ADAM11: variants seen among roughly 807,000 people sequenced by gnomAD.
The protein encoded by ADAM11 is ADAM metallopeptidase domain 11, also known as disintegrin and metalloproteinase domain-containing protein 11.
ADAM11 carries 49 observed loss-of-function variants against 119.1 expected under a neutral mutation model. That is an observed-to-expected ratio of 0.41 (90% CI 0.33 to 0.52). ADAM11 has a LOEUF of 0.52. ADAM11 is among the 20% of genes least tolerant of loss of function. The probability of loss-of-function intolerance (pLI) is 0.20; values close to 1 mark genes in which losing one functional copy is unlikely to be tolerated. For missense variants in ADAM11, 777 were observed against 1,047.5 expected (o/e 0.74, Z 3.56); for synonymous variants, 364 against 408.0 (o/e 0.89, Z 1.30).
chr17:44,774,234 C>G (rs1004614615), intron 11 of ADAM11, 61 bp from the exon 12 acceptor site: 23 of 1,175,696 alleles, frequency 2.0e-5, no homozygotes, highest in African/African-American at 1.1e-4. Context: ...AAGGCCCCAC[C>G]ACCACCCGGG....
intron 2 of ADAM11, among the ~76,000 whole-genome samples, chr17:44,760,670 C>T (rs771164225): frequency 5.3e-5 from 8 of 152,090 alleles, no homozygotes; most frequent in Non-Finnish European, 7.3e-5. Flanking sequence ...GGCAAAGGCC[C>T]GGCACAAACA....
In ADAM11 at chr17:44,772,830, G is replaced by T; in HGVS notation, c.679-27G>T. 1 of 1,609,202 alleles carries T rather than the reference G, an allele frequency of 6.2e-7. No homozygotes were observed. The highest frequency in any genetic ancestry group is 1.1e-5 in the South Asian group (1 of 90,796). On this transcript the variant is annotated intron_variant, in intron 8 of 26. Coordinates refer to ENST00000200557, the MANE Select transcript of ADAM11 (RefSeq NM_002390.6). This position sits in a 1 kb window ranked among gnomAD's most constrained non-coding sequence, Gnocchi z 4.5. ...AGATCAGTCAGACATGGAAGGGACT[G>T]ATTCCAAGTGCCCACCCACCCCCCA... is the stretch of plus-strand genomic sequence containing the variant.
Position 44,778,154 on chromosome 17 carries a change from C to A in ADAM11, c.2188C>A (p.Pro730Thr), listed in dbSNP as rs1299326070. 2 of 1,613,590 alleles carry A rather than the reference C, an allele frequency of 1.2e-6. No homozygotes were observed. Among genetic ancestry groups the A allele is most frequent in the South Asian group, 2.2e-5 (2 of 90,972 alleles). The stretch of plus-strand genomic sequence containing the variant: ...CTAAGCCCTGCCATCCTCCCCAGGT[C>A]CCAGCGGCACCAACATCATCATTGG... ...PTGETERYKGPSGTNIIIGSI... is the reference protein window; with the variant it reads ...PTGETERYKGTSGTNIIIGSI... Residue 730 changes from proline (P) to threonine (T), a missense_variant and splice_region_variant, in exon 25 of 27, where the codon CCC becomes ACC. Pro to Thr is a conservative substitution (Grantham distance 38). Around this residue, in one of 4 missense-constraint regions of ADAM11, gnomAD observed 348 missense variants for 486.7 expected, o/e 0.72. Coordinates refer to ENST00000200557, the MANE Select transcript of ADAM11 (RefSeq NM_002390.6).
Position 44,772,778 on chromosome 17 carries a change from A to C in ADAM11, c.679-79A>C. ...CTGGAGTCCAGACCCCCCCATCCCC[A>C]CCGAGTCTGTTCCTGGCTTGGCCAT... On this transcript the variant is annotated intron_variant, in intron 8 of 26. Transcript: ENST00000200557. The surrounding 1 kb of genome is among the most constrained non-coding windows in gnomAD (Gnocchi z 4.5). 1 of 1,320,968 alleles carries C rather than the reference A, an allele frequency of 7.6e-7. No individual in the cohort carries two copies. The highest frequency in any genetic ancestry group is 1.1e-6 in the Non-Finnish European group (1 of 928,416). The allele number at this position is 1,320,968 out of a possible 1,614,324, so 81.8% of individuals were successfully genotyped here.
Position 44,777,905 on chromosome 17 carries a change from A to G in ADAM11, c.2070+42A>G. The stretch of plus-strand genomic sequence containing the variant: ...TGGGATGGCGGGAGAAGCTTACAAG[A>G]GGGGACAGGCCCCTGCTCACCTCTC... On this transcript the variant is annotated intron_variant, in intron 23 of 26. Transcript: ENST00000200557. This position sits in a 1 kb window ranked among gnomAD's most constrained non-coding sequence, Gnocchi z 5.1. 2 of 1,613,694 alleles carry G rather than the reference A, an allele frequency of 1.2e-6. No homozygotes were observed. The highest frequency in any genetic ancestry group is 1.7e-6 in the Non-Finnish European group (2 of 1,179,928).
Position 44,780,062 on chromosome 17 carries a change from G to A in ADAM11, c.*308G>A, listed in dbSNP as rs35504352. The A allele has an allele frequency of 0.64, 428,465 of 672,954 alleles. 137,995 individuals are homozygous for A. Among genetic ancestry groups the A allele is most frequent in the East Asian group, 0.8 (27,997 of 34,996 alleles). 41.7% of individuals were successfully genotyped at this position (672,954 alleles called of 1,614,324 possible). ...GATTGCCACAGCTCAACTCGGGGGC[G>A]CCTGGAGGGATGCCCCCAGGCAGCC... On this transcript the variant is annotated 3_prime_UTR_variant, in exon 27 of 27. Transcript: ENST00000200557.
intron 2 of ADAM11, among the ~76,000 whole-genome samples, chr17:44,765,521 G>A (rs577803128): frequency 3.3e-5 from 5 of 150,322 alleles, no homozygotes; most frequent in East Asian, 2.0e-4. Flanking sequence ...CTTCCTTCTC[G>A]TTATTATTAT....
intron 25 of ADAM11, 35 bp downstream of exon 25, chr17:44,778,277 C>A: frequency 2.5e-6 from 4 of 1,580,596 alleles, no homozygotes; most frequent in Non-Finnish European, 3.4e-6. Context: ...CCCCTGGCAT[C>A]CTTGAGGGGG....
rs139860833 is a variant in ADAM11, at chr17:44,775,953, G to C, written c.1486-174G>C. Among the ~76,000 whole-genome samples the C allele has an allele frequency of 2.6e-5, 4 of 152,030 alleles. No individual in the cohort carries two copies. The highest frequency in any genetic ancestry group is 5.9e-5 in the Non-Finnish European group (4 of 67,984). ...GGGCGGTGCTGAGTGCGCTGGGAGCGAGGTGGGGAGCGTTCAAGAGGTGGT... is the reference window on the plus strand; with the variant it reads ...GGGCGGTGCTGAGTGCGCTGGGAGCCAGGTGGGGAGCGTTCAAGAGGTGGT... On this transcript the variant is annotated intron_variant, in intron 17 of 26. Transcript: ENST00000200557. This position sits in a 1 kb window ranked among gnomAD's most constrained non-coding sequence, Gnocchi z 7.5.
intron 2 of ADAM11, among the ~76,000 whole-genome samples, chr17:44,765,686 T>A (rs1316148551): frequency 2.2e-5 from 3 of 135,296 alleles, no homozygotes; most frequent in Non-Finnish European, 4.6e-5. Flanking sequence ...AGTGGCACGA[T>A]CTTGGCTCAC....
At chr17:44,769,175 C>T (rs894842345) in intron 2 of ADAM11, among the ~76,000 whole-genome samples, 11 of 152,324 alleles carry the variant, frequency 7.2e-5, no homozygotes, top group Non-Finnish European at 1.0e-4. Context: ...GGCACCTGCC[C>T]GTCGCCCAGT....
At chr17:44,761,138 C>A (rs138170366) in intron 2 of ADAM11, among the ~76,000 whole-genome samples, 57 of 151,674 alleles carry the variant, frequency 3.8e-4, no homozygotes, top group Non-Finnish European at 6.2e-4. Context: ...GGCTGTCTTG[C>A]CTGGTGTCAC....
chr17:44,760,535 T>C (rs538045617), intron 2 of ADAM11, among the ~76,000 whole-genome samples: 18 of 152,332 alleles, frequency 1.2e-4, no homozygotes, highest in Admixed American at 1.2e-3. Context: ...TTGCAATTAA[T>C]AATTAATTAA....
Position 44,776,741 on chromosome 17 carries a change from A to G in ADAM11, c.1567-4A>G, listed in dbSNP as rs767848173. On this transcript the variant is annotated splice_region_variant and splice_polypyrimidine_tract_variant and intron_variant, in intron 18 of 26. Transcript: ENST00000200557. The surrounding 1 kb of genome is among the most constrained non-coding windows in gnomAD (Gnocchi z 5.2). ...TCCGCTCAACCCCACCCCTCTCTCC[A>G]CAGTGCCCGCCTAACCTGCACAAGC... 14 of 1,613,792 alleles carry G rather than the reference A, an allele frequency of 8.7e-6. No homozygotes were observed. The South Asian group carries it at 1.5e-4, about 18-fold the overall frequency.
chr17:44,777,237 G>T lies in ADAM11; in HGVS notation c.1753G>T (p.Gly585Ter). 1 of 1,608,076 alleles carries T rather than the reference G, an allele frequency of 6.2e-7. No individual in the cohort carries two copies. The part of the protein sequence containing the change: ...GTERGSCGRK[G>*]SGWVQCSKQD... ...GGAGCGTGGGAGCTGTGGGCGCAAGGGATCTGGCTGGGTCCAGTGCAGTAA... is the reference window on the plus strand; with the variant it reads ...GGAGCGTGGGAGCTGTGGGCGCAAGTGATCTGGCTGGGTCCAGTGCAGTAA... The change falls in exon 21 of 27, where the codon GGA (glycine) becomes TGA (stop). Residue 585 changes from glycine (G) to a stop codon, truncating the protein, a stop_gained. Transcript: ENST00000200557. LOFTEE classifies it high-confidence loss of function. This position sits in a 1 kb window ranked among gnomAD's most constrained non-coding sequence, Gnocchi z 5.1.
chr17:44,774,425 G>T, intron 12 of ADAM11, 46 bp downstream of exon 12: 1 of 1,570,584 alleles, frequency 6.4e-7, no homozygotes. Flanking sequence ...GAGGGAAAGG[G>T]GCTTCAGGGG....
chr17:44,771,954 C>G, intron 6 of ADAM11, 123 bp downstream of exon 6: 1 of 1,128,156 alleles, frequency 8.9e-7, no homozygotes, highest in Non-Finnish European at 1.3e-6. Context: ...TCACTGCCCT[C>G]TTCAGTGACC....
chr17:44,769,887 T>C (rs1249953856), intron 3 of ADAM11, 93 bp downstream of exon 3: 1 of 1,603,386 alleles, frequency 6.2e-7, no homozygotes, highest in Non-Finnish European at 8.5e-7. Flanking sequence ...GGGTTGGGCC[T>C]GGGCAGAGGG....
At chr17:44,779,490 C>A in intron 26 of ADAM11, 1 of 985,436 alleles carries the variant, frequency 1.0e-6, no homozygotes, top group Non-Finnish European at 1.2e-6. Context: ...GCCAGGCCCT[C>A]CCCTGCCACC....
Sources: allele counts gnomAD v4.1 joint callset (sites outside exome capture counted in the v4.1 genomes callset), GRCh38; gene constraint gnomAD v4.1.1; regional missense constraint gnomAD v4.1.1; non-coding constraint Gnocchi (gnomAD v3.1); transcripts MANE v1.5; gene names NCBI Gene and HGNC (gene_info 2026-07-23, HGNC 2026-07-21).